Variants in CMIP observed in about 807,000 individuals in gnomAD.
CMIP encodes the protein c-Maf inducing protein.
Under a neutral mutation model 97.3 loss-of-function variants are expected in CMIP, and 13 were observed. The ratio of observed to expected loss-of-function variants is 0.13; its 90% CI spans 0.09 to 0.21. The LOEUF (loss-of-function observed/expected upper bound fraction) is 0.21, where lower values mean the gene tolerates loss of function less well. Ranked by LOEUF, CMIP falls within the 10% of genes least tolerant of loss-of-function variation. The pLI, the probability that CMIP is intolerant of heterozygous loss-of-function variation, is 1.00. For missense variants in CMIP, 847 were observed against 1,024.9 expected (o/e 0.83, Z 2.37); for synonymous variants, 538 against 436.3 (o/e 1.23, Z -2.91).
Position 81,700,416 on chromosome 16 carries a change from C to A in CMIP, c.1755+615C>A, listed in dbSNP as rs76425204. 1,376 of 154,976 alleles carry A rather than the reference C, an allele frequency of 8.9e-3. 8 individuals are homozygous for A. Among genetic ancestry groups the A allele is most frequent in the Non-Finnish European group, 0.015 (1,024 of 70,136 alleles). The allele number at this position is 154,976 out of a possible 1,614,324, so 9.6% of individuals were successfully genotyped here. On this transcript the variant is annotated intron_variant, in intron 15 of 20. Coordinates refer to ENST00000537098, the MANE Select transcript of CMIP (RefSeq NM_198390.3). ...CCTGAGACTCCCAGAGCAACTGTCC[C>A]AAAGTCCCCAGAAGCCTGAGACTCC...
chr16:81,656,415 A>G (rs780341262), intron 4 of CMIP, among the ~76,000 whole-genome samples: 4 of 152,254 alleles, frequency 2.6e-5, no homozygotes, highest in Non-Finnish European at 5.9e-5. Context: ...CAAGCAGCCA[A>G]TGTGGCTCTT....
chr16:81,584,815 A>G (rs2091353964), intron 1 of CMIP, among the ~76,000 whole-genome samples: 3 of 152,228 alleles, frequency 2.0e-5, no homozygotes, highest in Admixed American at 1.3e-4. Context: ...CCAGTAAAGG[A>G]ACGCTTCTGC....
At chr16:81,631,916 G>A (rs1364925030) in intron 3 of CMIP, 1 of 152,216 alleles carries the variant, frequency 6.6e-6, no homozygotes, top group Non-Finnish European at 1.5e-5. Context: ...GTGTGCAAGA[G>A]CCCTAAGACA....
At chr16:81,694,403 C>T (rs574515094) in intron 13 of CMIP, among the ~76,000 whole-genome samples, 5 of 152,296 alleles carry the variant, frequency 3.3e-5, no homozygotes, top group African/African-American at 1.2e-4. Context: ...AGGAGGCTTC[C>T]TGGAGAAGGT....
rs767272070 is a variant in CMIP at position 81,693,165 on chromosome 16, G to T, written c.1462G>T (p.Ala488Ser). The T allele has an allele frequency of 5.0e-6, 8 of 1,612,740 alleles. No homozygotes were observed. The African/African-American group carries it at 6.7e-5, about 13-fold the overall frequency. ...QPIPFPKEAL[A>S]HEKFTKELKY... is the part of the protein sequence containing the mutation. ...CCCCTGTTTTTGTTGCAGAGCTCTC[G>T]CACATGAGAAGTTCACCAAGTGAGT... is the stretch of plus-strand genomic sequence containing the variant. Residue 488 changes from alanine to serine, a missense_variant, in exon 12 of 21, where the codon GCA becomes TCA. Physicochemically the swap from Ala to Ser is moderately conservative, Grantham distance 99. Around this residue, in one of 4 missense-constraint regions of CMIP, gnomAD observed 266 missense variants for 384.2 expected, o/e 0.69. Coordinates refer to ENST00000537098, the MANE Select transcript of CMIP (RefSeq NM_198390.3).
At chr16:81,689,476 A>G (rs1209267348) in intron 10 of CMIP, among the ~76,000 whole-genome samples, 1 of 152,208 alleles carries the variant, frequency 6.6e-6, no homozygotes, top group Non-Finnish European at 1.5e-5. Context: ...GTGTCTGTTC[A>G]TATCCTTCGC....
intron 1 of CMIP, among the ~76,000 whole-genome samples, chr16:81,498,404 C>A (rs1010512277): frequency 6.6e-6 from 1 of 152,176 alleles, no homozygotes; most frequent in Non-Finnish European, 1.5e-5. Flanking sequence ...GTCCCCCGGC[C>A]TTTTTGGTCT....
chr16:81,651,388 C>A, intron 3 of CMIP: 2 of 977,350 alleles, frequency 2.0e-6, no homozygotes, highest in Non-Finnish European at 2.4e-6. Context: ...CAGCCCCTGT[C>A]CCAACCGCTC....
chr16:81,556,282 C>T (rs2090762272), intron 1 of CMIP, among the ~76,000 whole-genome samples: 1 of 152,064 alleles, frequency 6.6e-6, no homozygotes, highest in Admixed American at 6.6e-5. Context: ...AAGGAGGTGG[C>T]GGCGGGCACT....
At chr16:81,568,161 G>A (rs563166269) in intron 1 of CMIP, among the ~76,000 whole-genome samples, 87 of 152,056 alleles carry the variant, frequency 5.7e-4, no homozygotes, top group African/African-American at 2.1e-3. Flanking sequence ...CCTTTGATGG[G>A]AGAATCCGTA....
intron 1 of CMIP, among the ~76,000 whole-genome samples, chr16:81,489,925 C>T (rs1405658721): frequency 6.6e-6 from 1 of 152,256 alleles, no homozygotes; most frequent in African/African-American, 2.4e-5. Context: ...TCTGCAGTTT[C>T]TGCTGCAGAA....
intron 1 of CMIP, among the ~76,000 whole-genome samples, chr16:81,565,569 A>G (rs1275764593): frequency 6.6e-6 from 1 of 152,184 alleles, no homozygotes; most frequent in African/African-American, 2.4e-5. Context: ...CGGTGGGCTC[A>G]GGCAGATGCT....
At chr16:81,703,614 GAC>G (rs148131414) in intron 17 of CMIP, among the ~76,000 whole-genome samples, 49,887 of 151,132 alleles carry the variant, frequency 0.33, 8,686 homozygotes, top group Non-Finnish European at 0.39. Context: ...CACACACACA[GAC>G]ACACACACAC....
intron 1 of CMIP, among the ~76,000 whole-genome samples, chr16:81,531,133 G>A (rs957889138): frequency 6.6e-6 from 1 of 152,164 alleles, no homozygotes; most frequent in African/African-American, 2.4e-5. Flanking sequence ...TCATGCGGGA[G>A]GTCATGCTGG....
intron 1 of CMIP, among the ~76,000 whole-genome samples, chr16:81,536,038 C>T (rs2090336377): frequency 6.6e-6 from 1 of 152,140 alleles, no homozygotes; most frequent in South Asian, 2.1e-4. Context: ...CTGATGTGAT[C>T]CCTGTTTGCA....
At chr16:81,476,299 C>G (rs1431458090) in intron 1 of CMIP, 5 of 1,553,634 alleles carry the variant, frequency 3.2e-6, no homozygotes, top group African/African-American at 1.4e-5. Context: ...GGACTTGCCA[C>G]CAGTGCCATT....
In CMIP at chr16:81,621,446, C is replaced by T. The variant is rs928306653; in HGVS notation, c.477+520C>T. The T allele has an allele frequency of 6.5e-6, 1 of 154,040 alleles. No individual in the cohort carries two copies. Among genetic ancestry groups the T allele is most frequent in the Non-Finnish European group, 1.4e-5 (1 of 69,064 alleles). The allele number at this position is 154,040 out of a possible 1,614,324, so 9.5% of individuals were successfully genotyped here. On this transcript the variant is annotated intron_variant, in intron 3 of 20. Coordinates refer to ENST00000537098, the MANE Select transcript of CMIP (RefSeq NM_198390.3). The surrounding 1 kb of genome is among the most constrained non-coding windows in gnomAD (Gnocchi z 4.1). ...TTCTGGCACATAAAGGGAACTTCATCTTCTTGGAGACCCAGGGGCAGATCT... is the reference window on the plus strand; with the variant it reads ...TTCTGGCACATAAAGGGAACTTCATTTTCTTGGAGACCCAGGGGCAGATCT...
intron 1 of CMIP, among the ~76,000 whole-genome samples, chr16:81,551,251 C>A (rs1433294243): frequency 2.6e-5 from 4 of 152,118 alleles, no homozygotes; most frequent in African/African-American, 9.7e-5. Context: ...CATCACACAC[C>A]CCAGTTCCAT....
At chr16:81,583,865 T>A (rs908280927) in intron 1 of CMIP, among the ~76,000 whole-genome samples, 3 of 152,146 alleles carry the variant, frequency 2.0e-5, no homozygotes, top group Admixed American at 1.3e-4. Flanking sequence ...AACAACACAT[T>A]TGAGTTGTGT....
Sources: allele counts gnomAD v4.1 joint callset (sites outside exome capture counted in the v4.1 genomes callset), GRCh38; gene constraint gnomAD v4.1.1; regional missense constraint gnomAD v4.1.1; non-coding constraint Gnocchi (gnomAD v3.1); transcripts MANE v1.5; gene names NCBI Gene and HGNC (gene_info 2026-07-23, HGNC 2026-07-21).